Variants in LHFPL3 observed in about 807,000 individuals in gnomAD.
LHFPL3 encodes the protein LHFPL tetraspan subfamily member 3 protein.
In LHFPL3, 5 loss-of-function variants were observed where a neutral mutation model predicts 19.3. The observed-to-expected ratio is 0.26, with a 90% CI of 0.14 to 0.54. LHFPL3 has a LOEUF of 0.54. LHFPL3 is among the 20% of genes least tolerant of loss of function. The pLI is 0.94. For synonymous variants in LHFPL3, 133 were observed against 126.2 expected, an observed-to-expected ratio of 1.05 and a Z score of -0.36; for missense variants, 249 against 307.4, an observed-to-expected ratio of 0.81 and a Z score of 1.42.
chr7:104,453,470 C>T lies in LHFPL3; in HGVS notation c.445+124246C>T, dbSNP rs187904703. On this transcript the variant is annotated intron_variant, in intron 1 of 2. Coordinates refer to ENST00000424859, the MANE Select transcript of LHFPL3 (RefSeq NM_199000.3). Reference sequence around the variant, plus strand: ...AATTACATTTCAAAGGGAAGGTTTTCGAGTCCTTGAGAAAGACATTCCTGG... The same window carrying T: ...AATTACATTTCAAAGGGAAGGTTTTTGAGTCCTTGAGAAAGACATTCCTGG... Among the ~76,000 whole-genome samples, 278 of 152,036 alleles carry T rather than the reference C, an allele frequency of 1.8e-3. 1 individual carries two copies. The highest frequency in any genetic ancestry group is 6.3e-3 in the African/African-American group (263 of 41,488).
At chr7:104,734,944 C>G (rs558979494) in intron 1 of LHFPL3, among the ~76,000 whole-genome samples, 149 of 152,324 alleles carry the variant, frequency 9.8e-4, no homozygotes, top group Admixed American at 1.5e-3. Context: ...ACAGTCAGGA[C>G]CCTCAGCTGC....
At chr7:104,492,519 T>A (rs759960968) in intron 1 of LHFPL3, among the ~76,000 whole-genome samples, 1 of 152,272 alleles carries the variant, frequency 6.6e-6, no homozygotes, top group Non-Finnish European at 1.5e-5. Flanking sequence ...AGGCTTTGCC[T>A]GGCACATCCT....
chr7:104,861,400 T>C (rs1320133893), intron 2 of LHFPL3, among the ~76,000 whole-genome samples: 1 of 152,214 alleles, frequency 6.6e-6, no homozygotes. Flanking sequence ...GGATTGTGCC[T>C]GCATCAGTCA....
rs542461421 is a variant in LHFPL3 at position 104,595,077 on chromosome 7, C to T, written c.446-141598C>T. ...AGTCATTCTCCGTCTAGCTTTGTTC[C>T]GTTGCTGGCAAGGAGCTGTGAACCT... On this transcript the variant is annotated intron_variant, in intron 1 of 2. Coordinates refer to ENST00000424859, the MANE Select transcript of LHFPL3 (RefSeq NM_199000.3). 5.9e-5 allele frequency among the ~76,000 whole-genome samples: 9 copies of T among 152,296 alleles called. No homozygotes were observed. In the East Asian group the frequency reaches 7.7e-4, roughly 13 times the overall value.
chr7:104,614,967 A>G (rs1791304571), intron 1 of LHFPL3, among the ~76,000 whole-genome samples: 1 of 151,752 alleles, frequency 6.6e-6, no homozygotes, highest in South Asian at 2.1e-4. Flanking sequence ...GTTGCTCAGA[A>G]TGGTCTCAAA....
chr7:104,475,734 T>A (rs1386391511), intron 1 of LHFPL3, among the ~76,000 whole-genome samples: 1 of 152,224 alleles, frequency 6.6e-6, no homozygotes, highest in Non-Finnish European at 1.5e-5. Flanking sequence ...ACCATTTAAC[T>A]TTGTTTAGAG....
intron 2 of LHFPL3, among the ~76,000 whole-genome samples, chr7:104,872,749 G>C (rs530224167): frequency 6.6e-6 from 1 of 152,206 alleles, no homozygotes; most frequent in South Asian, 2.1e-4. Context: ...ATAACACACG[G>C]AGCTGTCATC....
rs554661598 is a variant in LHFPL3 at position 104,807,929 on chromosome 7, G to T, written c.682+71018G>T. Among the ~76,000 whole-genome samples, 21 of 152,328 alleles carry T rather than the reference G, an allele frequency of 1.4e-4. No homozygotes were observed. The East Asian group carries it at 3.5e-3, about 25-fold the overall frequency. Reference sequence around the variant, plus strand: ...TGGACATTCTTTAGAAGAAATCATAGTTCCTGGCCCCTTTGTGCATTCAAC... The same window carrying T: ...TGGACATTCTTTAGAAGAAATCATATTTCCTGGCCCCTTTGTGCATTCAAC... On this transcript the variant is annotated intron_variant, in intron 2 of 2. Coordinates refer to ENST00000424859, the MANE Select transcript of LHFPL3 (RefSeq NM_199000.3).
At chr7:104,656,674 T>G (rs79026882) in intron 1 of LHFPL3, among the ~76,000 whole-genome samples, 16,807 of 152,244 alleles carry the variant, frequency 0.11, 1,125 homozygotes, top group Non-Finnish European at 0.15. Context: ...ACCACAAGAT[T>G]ACTCAGATCA....
intron 2 of LHFPL3, among the ~76,000 whole-genome samples, chr7:104,793,016 C>T (rs1562794957): frequency 6.6e-6 from 1 of 152,120 alleles, no homozygotes; most frequent in African/African-American, 2.4e-5. Context: ...CTGCCTGAGC[C>T]TCTTGAGTAG....
intron 2 of LHFPL3, among the ~76,000 whole-genome samples, chr7:104,868,031 C>T (rs1480455951): frequency 3.4e-5 from 5 of 148,024 alleles, no homozygotes; most frequent in African/African-American, 1.0e-4. Context: ...TTCAACAACC[C>T]TTCATGCTAA....
chr7:104,855,015 T>C (rs1056141106), intron 2 of LHFPL3, among the ~76,000 whole-genome samples: 1 of 152,232 alleles, frequency 6.6e-6, no homozygotes, highest in Non-Finnish European at 1.5e-5. Context: ...AAGCTTAATG[T>C]ATTTCCTGTG....
intron 1 of LHFPL3, among the ~76,000 whole-genome samples, chr7:104,686,059 T>C (rs968882828): frequency 2.0e-5 from 3 of 152,160 alleles, no homozygotes; most frequent in African/African-American, 7.2e-5. Context: ...AAGCAAAATA[T>C]TTGAAAGAAC....
chr7:104,488,118 T>C (rs1793272026), intron 1 of LHFPL3, among the ~76,000 whole-genome samples: 1 of 152,210 alleles, frequency 6.6e-6, no homozygotes, highest in Non-Finnish European at 1.5e-5. Context: ...GAAAATGTAT[T>C]TTTTGTCATT....
At chr7:104,378,884 C>T (rs532819577) in intron 1 of LHFPL3, among the ~76,000 whole-genome samples, 1 of 152,258 alleles carries the variant, frequency 6.6e-6, no homozygotes, top group African/African-American at 2.4e-5. Flanking sequence ...TTGATAAATA[C>T]ATAGATCTGG....
At chr7:104,598,280 G>A (rs889684849) in intron 1 of LHFPL3, among the ~76,000 whole-genome samples, 49 of 152,128 alleles carry the variant, frequency 3.2e-4, no homozygotes, top group Admixed American at 2.6e-3. Context: ...AATTAAAGTT[G>A]AGAAAACTTT....
chr7:104,880,273 C>A (rs1318864483), intron 2 of LHFPL3, among the ~76,000 whole-genome samples: 1 of 151,654 alleles, frequency 6.6e-6, no homozygotes, highest in African/African-American at 2.4e-5. Flanking sequence ...TGTGGCACTT[C>A]CCCCCTCCCT....
rs1273828284 is a variant in LHFPL3, at chr7:104,908,169, C to T, written c.*1954C>T. Among the ~76,000 whole-genome samples, 2 of 152,144 alleles carry T rather than the reference C, an allele frequency of 1.3e-5. No homozygotes were observed. Among genetic ancestry groups the T allele is most frequent in the Non-Finnish European group, 2.9e-5 (2 of 68,022 alleles). On this transcript the variant is annotated 3_prime_UTR_variant, in exon 3 of 3. Transcript: ENST00000424859. ...AATCCATGCAAACTACAAATTCCAT[C>T]GGGAGTCCTACATCACTAACAGTGG...
At chr7:104,366,665 T>C (rs2116421245) in intron 1 of LHFPL3, among the ~76,000 whole-genome samples, 1 of 152,332 alleles carries the variant, frequency 6.6e-6, no homozygotes, top group East Asian at 1.9e-4. Flanking sequence ...CTCCCACTTC[T>C]ATAGGATGGG....
Sources: gnomAD v4.1 joint callset for allele counts (sites outside exome capture counted in the v4.1 genomes callset) on GRCh38, gnomAD v4.1.1 for gene constraint, MANE v1.5 for transcripts, NCBI Gene and HGNC (gene_info 2026-07-23, HGNC 2026-07-21) for gene names.